GDAP1: variants seen among roughly 807,000 people sequenced by gnomAD.
GDAP1 encodes the protein ganglioside-induced differentiation-associated protein 1.
Under a neutral mutation model 40.1 loss-of-function variants are expected in GDAP1, and 34 were observed. The observed-to-expected ratio is 0.85, with a 90% CI of 0.64 to 1.13. The LOEUF (loss-of-function observed/expected upper bound fraction) is 1.13, where lower values mean the gene tolerates loss of function less well. Among genes scored for constraint, GDAP1 ranks in the 50% most tolerant of loss-of-function variants. GDAP1 has a pLI of 0.00. For synonymous variants in GDAP1, 170 were observed against 157.4 expected (o/e 1.08, Z -0.60); for missense variants, 374 against 433.7 (o/e 0.86, Z 1.22).
chr8:74,404,034 C>G (rs888305419), intron 2 of GDAP1, among the ~76,000 whole-genome samples: 3 of 149,748 alleles, frequency 2.0e-5, no homozygotes, highest in Non-Finnish European at 4.4e-5. Flanking sequence ...TTAGAAATCT[C>G]TATGATAATA....
intron 2 of GDAP1, among the ~76,000 whole-genome samples, chr8:74,394,237 C>T (rs376203995): frequency 1.3e-5 from 2 of 152,158 alleles, no homozygotes; most frequent in Non-Finnish European, 2.9e-5. Context: ...GACTTATTCA[C>T]TATCATGAGA....
chr8:74,435,617 A>G (rs1806079440), intron 2 of GDAP1, among the ~76,000 whole-genome samples: 1 of 152,250 alleles, frequency 6.6e-6, no homozygotes, highest in Non-Finnish European at 1.5e-5. Flanking sequence ...GTTTTTAGAA[A>G]CACCAGCAAA....
At chr8:74,373,238 A>T (rs7460607) in intron 2 of GDAP1, among the ~76,000 whole-genome samples, 150,004 of 150,984 alleles carry the variant, frequency 0.99, 74,520 homozygotes, top group East Asian at 1. Context: ...TTGGCAATGC[A>T]GGCTCTTTTT....
intron 2 of GDAP1, among the ~76,000 whole-genome samples, chr8:74,436,548 G>A (rs746467193): frequency 2.7e-5 from 4 of 150,614 alleles, no homozygotes; most frequent in East Asian, 2.0e-4. Context: ...TCAGCCTCCC[G>A]AGTAGCTGGG....
rs181213787 is a variant in GDAP1 at position 74,466,936 on chromosome 8, C to A, written c.166-21742C>A. Among the ~76,000 whole-genome samples the A allele has an allele frequency of 2.0e-5, 3 of 152,040 alleles. No homozygotes were observed. The East Asian group carries it at 5.8e-4, about 29-fold the overall frequency. On this transcript the variant is annotated intron_variant, in intron 2 of 2. Coordinates refer to the GDAP1 transcript ENST00000523640. The stretch of plus-strand genomic sequence containing the variant: ...AGATAGAGGGGAATAGATGCTGCTG[C>A]TGAAAGGGAAGAATTACTCAATAAG...
At chr8:74,464,553 A>G (rs1016600905) in intron 2 of GDAP1, among the ~76,000 whole-genome samples, 2 of 152,224 alleles carry the variant, frequency 1.3e-5, no homozygotes, top group African/African-American at 2.4e-5. Flanking sequence ...TGGAAACTGA[A>G]AAACATATGG....
intron 2 of GDAP1, among the ~76,000 whole-genome samples, chr8:74,371,916 C>T (rs922641375): frequency 1.4e-5 from 2 of 148,130 alleles, no homozygotes; most frequent in African/African-American, 5.0e-5. Flanking sequence ...AATGCTACCC[C>T]TCCCCCCCCA....
chr8:74,427,473 A>C (rs1011527274), intron 2 of GDAP1, among the ~76,000 whole-genome samples: 1 of 152,220 alleles, frequency 6.6e-6, no homozygotes, highest in African/African-American at 2.4e-5. Context: ...TGGTGGATAC[A>C]TGAGTCTCAG....
chr8:74,434,514 C>T (rs1282272864), intron 2 of GDAP1, among the ~76,000 whole-genome samples: 2 of 152,154 alleles, frequency 1.3e-5, no homozygotes, highest in African/African-American at 4.8e-5. Flanking sequence ...ACCTGTTATT[C>T]CCAGAGTGAG....
chr8:74,355,597 A>C (rs1456056466), intron 2 of GDAP1, among the ~76,000 whole-genome samples: 2 of 152,198 alleles, frequency 1.3e-5, no homozygotes, highest in African/African-American at 2.4e-5. Context: ...TGGATGTGAC[A>C]AGGTGAATGT....
chr8:74,478,559 G>T (rs905875325), intron 2 of GDAP1, among the ~76,000 whole-genome samples: 2 of 152,112 alleles, frequency 1.3e-5, no homozygotes, highest in Admixed American at 1.3e-4. Flanking sequence ...CAGACTGAGG[G>T]GTGCTCAGGT....
At chr8:74,480,507 T>G (rs1465377832) in intron 2 of GDAP1, among the ~76,000 whole-genome samples, 1 of 152,160 alleles carries the variant, frequency 6.6e-6, no homozygotes, top group African/African-American at 2.4e-5. Context: ...TTTTGGCAAG[T>G]GAGAGGAAAT....
chr8:74,479,649 G>A (rs1806681255), intron 2 of GDAP1, among the ~76,000 whole-genome samples: 1 of 152,172 alleles, frequency 6.6e-6, no homozygotes, highest in South Asian at 2.1e-4. Flanking sequence ...AATTCTTTTT[G>A]TCTGGACCAG....
Position 74,364,326 on chromosome 8 carries a change from A to G in GDAP1, c.1036A>G (p.Ser346Gly). The G allele has an allele frequency of 5.0e-6, 8 of 1,614,106 alleles. No individual in the cohort carries two copies. The highest frequency in any genetic ancestry group is 6.8e-6 in the Non-Finnish European group (8 of 1,179,942). ...TATGCTTTTCAGAAAGAGGCTTGGC[A>G]GCATGATATTAGCATTTAGACCCAG... ...AFMLFRKRLG[S>G]MILAFRPRPN... Residue 346 changes from serine to glycine, a missense_variant, in exon 6 of 6, where the codon AGC (serine) becomes GGC (glycine). By Grantham distance (56) the Ser-to-Gly change is moderately conservative. Transcript: ENST00000220822.
At position 74,422,375 on chromosome 8, in the gene GDAP1, T is replaced by C. The variant is rs1283928102; in HGVS notation, c.166-66303T>C. 4.3e-5 allele frequency among the ~76,000 whole-genome samples: 6 copies of C among 140,716 alleles called. No homozygotes were observed. The East Asian group carries it at 8.3e-4, about 19-fold the overall frequency. The allele number at this position is 140,716 out of a possible 152,430, so 92.3% of individuals were successfully genotyped here. The stretch of plus-strand genomic sequence containing the variant: ...TTCCCTTCCTTCCTTCCTTCCTTCC[T>C]TCCTTCCTTCCTTCCTTCCTTCTGT... On this transcript the variant is annotated intron_variant, in intron 2 of 2. Transcript: ENST00000523640.
intron 2 of GDAP1, among the ~76,000 whole-genome samples, chr8:74,484,942 A>G (rs1487670937): frequency 6.6e-6 from 1 of 152,034 alleles, no homozygotes; most frequent in Non-Finnish European, 1.5e-5. Flanking sequence ...TGTGGTAACC[A>G]TTGCCCAAAG....
At chr8:74,487,532 G>A (rs982446146) in intron 2 of GDAP1, among the ~76,000 whole-genome samples, 12 of 152,086 alleles carry the variant, frequency 7.9e-5, no homozygotes, top group African/African-American at 2.2e-4. Flanking sequence ...TGAGAAAAGC[G>A]GGAAATATGA....
rs1809528894 is a variant in GDAP1 at position 74,364,484 on chromosome 8, A to G, written c.*117A>G. On this transcript the variant is annotated 3_prime_UTR_variant, in exon 6 of 6. Coordinates refer to ENST00000220822, the MANE Select transcript of GDAP1 (RefSeq NM_018972.4). The stretch of plus-strand genomic sequence containing the variant: ...TTAGCAGTATTTTTTCCTAAAATTC[A>G]GAAGTCATCTTTGTTACACAACACA... 9.2e-7 allele frequency: 1 copy of G among 1,082,908 alleles called. No homozygotes were observed. Among genetic ancestry groups the G allele is most frequent in the African/African-American group, 1.5e-5 (1 of 64,978 alleles). The allele number at this position is 1,082,908 out of a possible 1,614,324, so 67.1% of individuals were successfully genotyped here. A position where few individuals can be genotyped will look rare whatever the true frequency, so the allele number is the denominator to read the frequency against.
rs1384542186 is a variant in GDAP1 at position 74,452,244 on chromosome 8, C to T, written c.166-36434C>T. 8.4e-5 allele frequency among the ~76,000 whole-genome samples: 7 copies of T among 83,432 alleles called. 3 individuals are homozygous for T. The highest frequency in any genetic ancestry group is 1.7e-4 in the Non-Finnish European group (7 of 41,296). The allele number at this position is 83,432 out of a possible 152,430, so 54.7% of individuals were successfully genotyped here. A position where few individuals can be genotyped will look rare whatever the true frequency, so the allele number is the denominator to read the frequency against. On this transcript the variant is annotated intron_variant, in intron 2 of 2. Coordinates refer to the GDAP1 transcript ENST00000523640. ...GGATTACAGGCATGAGCCACTTCGC[C>T]CAGCTGCTGTTCTTTATTTTTATAC... is the stretch of plus-strand genomic sequence containing the variant.
Sources: gnomAD v4.1 joint callset for allele counts (sites outside exome capture counted in the v4.1 genomes callset) on GRCh38, gnomAD v4.1.1 for gene constraint, MANE v1.5 for transcripts, NCBI Gene and HGNC (gene_info 2026-07-23, HGNC 2026-07-21) for gene names.